GLOD4: variants seen among roughly 807,000 people sequenced by gnomAD.
The protein encoded by GLOD4 is glyoxalase domain containing 4.
GLOD4 carries 44 observed loss-of-function variants against 39.1 expected under a neutral mutation model. The observed-to-expected ratio is 1.13, with a 90% CI of 0.88 to 1.45. The LOEUF (loss-of-function observed/expected upper bound fraction) is 1.45, where lower values mean the gene tolerates loss of function less well. GLOD4 is among the 40% of genes most tolerant of loss of function. The pLI, the probability that GLOD4 is intolerant of heterozygous loss-of-function variation, is 0.00. For synonymous variants in GLOD4, 145 were observed against 135.0 expected (o/e 1.07, Z -0.52); for missense variants, 405 against 366.4 (o/e 1.11, Z -0.86).
chr17:767,976 G>T (rs145595319), intron 8 of GLOD4, among the ~76,000 whole-genome samples: 1 of 144,018 alleles, frequency 6.9e-6, no homozygotes, highest in African/African-American at 2.6e-5. Flanking sequence ...CAGATTTTTA[G>T]AAGAAATCTG....
chr17:785,403 AGATT>A (rs10578308), upstream of GLOD4, among the ~76,000 whole-genome samples: 28,988 of 152,040 alleles, frequency 0.19, 3,318 homozygotes, highest in Non-Finnish European at 0.26. Context: ...TATATAATGT[AGATT>A]ATTATATAAT....
At chr17:765,813 G>C (rs551000257) in intron 8 of GLOD4, among the ~76,000 whole-genome samples, 3 of 151,700 alleles carry the variant, frequency 2.0e-5, no homozygotes, top group Non-Finnish European at 4.4e-5. Context: ...GCCAGGTGTG[G>C]TGGTGCGTGC....
Position 771,458 on chromosome 17 carries a change from G to A in GLOD4, c.410C>T (p.Pro137Leu), listed in dbSNP as rs1241349619. The change falls in exon 5 of 9, where the codon CCT becomes CTT. Residue 137 changes from proline (P) to leucine (L), a missense_variant. By Grantham distance (98) the Pro-to-Leu change is moderately conservative. Coordinates refer to ENST00000301329, the MANE Select transcript of GLOD4 (RefSeq NM_016080.4). ...CACTGCTAGAGTTACTTTTAATACA[G>A]GATCTGTTGGGTAATAAAGCAGGAA... ...LQNRSLPQSD[P>L]VLKVTLAVSD... 2.6e-6 allele frequency: 4 copies of A among 1,552,050 alleles called. No individual in the cohort carries two copies. In the South Asian group the frequency reaches 3.5e-5, roughly 14 times the overall value.
chr17:775,106 T>TAAAA (rs60310367), intron 4 of GLOD4, among the ~76,000 whole-genome samples: 106 of 87,292 alleles, frequency 1.2e-3, no homozygotes, highest in African/African-American at 4.4e-3. Context: ...ATAAAAATAC[T>TAAAA]AAAAAAAAAA....
chr17:759,960 T>C lies in GLOD4; in HGVS notation c.*213A>G. On this transcript the variant is annotated 3_prime_UTR_variant, in exon 9 of 9. Transcript: ENST00000301329. ...GCGCAGTCCCAGCAACAGTGTAGAT[T>C]ACAGCAGGCGTTCTCTACCTGGACT... 4 of 561,440 alleles carry C rather than the reference T, an allele frequency of 7.1e-6. No individual in the cohort carries two copies. Among genetic ancestry groups the C allele is most frequent in the South Asian group, 4.5e-5 (2 of 44,632 alleles). 34.8% of individuals were successfully genotyped at this position (561,440 alleles called of 1,614,324 possible).
intron 4 of GLOD4, 45 bp downstream of exon 4, chr17:775,730 A>G: frequency 2.6e-6 from 4 of 1,542,314 alleles, no homozygotes; most frequent in African/African-American, 1.4e-5. Context: ...CCTTTCACCA[A>G]AGATGCCTTT....
upstream of GLOD4, chr17:783,293 T>C (rs1290742059): frequency 6.2e-7 from 1 of 1,613,980 alleles, no homozygotes; most frequent in East Asian, 2.2e-5. Context: ...ATATCAAGGA[T>C]TGGTCCGACC....
At chr17:783,283 A>G (rs373136858), upstream of GLOD4, 2 of 1,613,592 alleles carry the variant, frequency 1.2e-6, no homozygotes, top group South Asian at 2.2e-5. Flanking sequence ...AAATTTGAGG[A>G]TATCAAGGAT....
chr17:768,865 T>TAGA (rs1412399813), intron 8 of GLOD4, among the ~76,000 whole-genome samples: 1 of 146,960 alleles, frequency 6.8e-6, no homozygotes, highest in Non-Finnish European at 1.5e-5. Context: ...CTCAGATTTT[T>TAGA]AGAAGAAATC....
At chr17:768,944 TGA>T (rs1224176796) in intron 8 of GLOD4, among the ~76,000 whole-genome samples, 114 of 152,046 alleles carry the variant, frequency 7.5e-4, no homozygotes, top group African/African-American at 2.5e-3. Flanking sequence ...GGAGAGGATG[TGA>T]GAGAGAGAAA....
At chr17:769,745 C>T in intron 8 of GLOD4, 124 bp downstream of exon 8, 1 of 692,644 alleles carries the variant, frequency 1.4e-6, no homozygotes, top group East Asian at 2.7e-5. Flanking sequence ...GAGGTCAACC[C>T]AACAGCGAAA....
intron 4 of GLOD4, among the ~76,000 whole-genome samples, chr17:773,261 T>C (rs369006933): frequency 3.3e-5 from 5 of 152,166 alleles, no homozygotes; most frequent in African/African-American, 1.2e-4. Flanking sequence ...CCAAAGGTAA[T>C]TGTGGATGTA....
rs371932975 is a variant in GLOD4, at chr17:778,646, C to T, written c.140+49G>A. On this transcript the variant is annotated intron_variant, in intron 2 of 8. Coordinates refer to ENST00000301329, the MANE Select transcript of GLOD4 (RefSeq NM_016080.4). ...CTTTGAGAAACTGTCTTCTGTTATC[C>T]GGGTGTAGTCAGAGCCTAAAGGAGA... The T allele has an allele frequency of 9.3e-5, 95 of 1,026,908 alleles. 3 individuals are homozygous for T. The highest frequency in any genetic ancestry group is 6.3e-4 in the South Asian group (50 of 79,298). 63.6% of individuals were successfully genotyped at this position (1,026,908 alleles called of 1,614,324 possible). A position where few individuals can be genotyped will look rare whatever the true frequency, so the allele number is the denominator to read the frequency against.
At chr17:767,346 G>C (rs1906759569) in intron 8 of GLOD4, among the ~76,000 whole-genome samples, 1 of 152,224 alleles carries the variant, frequency 6.6e-6, no homozygotes, top group African/African-American at 2.4e-5. Flanking sequence ...AGTTTGATGA[G>C]AATCTAAAAG....
At chr17:767,047 C>T (rs1250306194) in intron 8 of GLOD4, among the ~76,000 whole-genome samples, 3 of 152,142 alleles carry the variant, frequency 2.0e-5, no homozygotes, top group East Asian at 1.9e-4. Flanking sequence ...CCTGCTTTAA[C>T]GTTAATTGTG....
intron 8 of GLOD4, chr17:764,181 T>G (rs1331880397): frequency 1.3e-5 from 2 of 152,128 alleles, no homozygotes; most frequent in East Asian, 1.9e-4. Context: ...TAAACCTCTG[T>G]GGGGCCGAGC....
At chr17:770,636 C>T (rs1567791902) in intron 5 of GLOD4, 129 bp from the exon 6 acceptor site, 1 of 617,604 alleles carries the variant, frequency 1.6e-6, no homozygotes, top group African/African-American at 1.9e-5. Flanking sequence ...ACTCTCACCC[C>T]AGAGACAACT....
chr17:769,961 C>A lies in GLOD4; in HGVS notation c.745-6G>T. On this transcript the variant is annotated splice_polypyrimidine_tract_variant and splice_region_variant and intron_variant, in intron 7 of 8. Transcript: ENST00000301329. ...AAGCAAATTTCATGTCCGTCCTACA[C>A]CAATAAAGAGAAAAGACACCTGCCA... 6.2e-7 allele frequency: 1 copy of A among 1,602,284 alleles called. No homozygotes were observed. Among genetic ancestry groups the A allele is most frequent in the East Asian group, 2.2e-5 (1 of 44,792 alleles).
intron 1 of GLOD4, 158 bp from the exon 2 acceptor site, chr17:778,902 G>A (rs1909394944): frequency 1.7e-6 from 1 of 593,192 alleles, no homozygotes; most frequent in East Asian, 2.8e-5. Context: ...CAGGATAGAA[G>A]CAGTGGAAGG....
Sources: allele counts gnomAD v4.1 joint callset (sites outside exome capture counted in the v4.1 genomes callset), GRCh38; gene constraint gnomAD v4.1.1; transcripts MANE v1.5; gene names NCBI Gene and HGNC (gene_info 2026-07-23, HGNC 2026-07-21).